The following PCDHGB1 variants were observed in gnomAD, a reference collection of about 807,000 sequenced individuals.
The protein encoded by PCDHGB1 is protocadherin gamma subfamily B, 1, also known as protocadherin gamma-B1.
A neutral mutation model predicts 56.6 loss-of-function variants in PCDHGB1; 34 were observed. The ratio of observed to expected loss-of-function variants is 0.60; its 90% confidence interval spans 0.46 to 0.80. The LOEUF (loss-of-function observed/expected upper bound fraction) is 0.80. Among genes scored for constraint, PCDHGB1 ranks in the 30% least tolerant of loss-of-function variants. The pLI is 0.00. For missense variants in PCDHGB1, 1,278 were observed against 1,204.6 expected (o/e 1.06, Z -0.90); for synonymous variants, 561 against 505.9 (o/e 1.11, Z -1.46).
chr5:141,388,458 C>T, intron 1 of PCDHGB1: 1 of 1,613,696 alleles, frequency 6.2e-7, no homozygotes, highest in Non-Finnish European at 8.5e-7. Context: ...CAGTAAATAC[C>T]CTGAGATGGT....
At chr5:141,456,492 G>C (rs542424798) in intron 1 of PCDHGB1, among the ~76,000 whole-genome samples, 1 of 152,284 alleles carries the variant, frequency 6.6e-6, no homozygotes, top group African/African-American at 2.4e-5. Flanking sequence ...GCTTAATAAA[G>C]GGGTTAACCA....
At chr5:141,434,536 T>C (rs1037347477) in intron 1 of PCDHGB1, among the ~76,000 whole-genome samples, 7 of 152,186 alleles carry the variant, frequency 4.6e-5, no homozygotes, top group Non-Finnish European at 8.8e-5. Context: ...CCACAAACAA[T>C]AGCATGAGTG....
In PCDHGB1 at chr5:141,485,842, T is replaced by C; in HGVS notation, c.2410-8965T>C. ...TCGATGGAGGGAACCCGCCGAGATC[T>C]GGCACCGCAGAGCTCCGGGTATCCG... On this transcript the variant is annotated intron_variant, in intron 1 of 3. Coordinates refer to ENST00000523390, the MANE Select transcript of PCDHGB1 (RefSeq NM_018922.3). This position sits in a 1 kb window ranked among gnomAD's most constrained non-coding sequence, Gnocchi z 5.7. 1 of 1,614,002 alleles carries C rather than the reference T, an allele frequency of 6.2e-7. No homozygotes were observed. Among genetic ancestry groups the C allele is most frequent in the Non-Finnish European group, 8.5e-7 (1 of 1,179,982 alleles).
In PCDHGB1 at chr5:141,374,403, A is replaced by G. The variant is rs201390749; in HGVS notation, c.2409+21734A>G. 6.2e-4 allele frequency: 999 copies of G among 1,613,916 alleles called. 2 individuals are homozygous for G. Among genetic ancestry groups the G allele is most frequent in the Non-Finnish European group, 8.1e-4 (961 of 1,179,908 alleles). ...AGCCCGCGGTGTCTGGTGAGTTTTA[A>G]CATCCTTGTCGAGGATAAACTGAAT... On this transcript the variant is annotated intron_variant, in intron 1 of 3. Coordinates refer to ENST00000523390, the MANE Select transcript of PCDHGB1 (RefSeq NM_018922.3).
intron 2 of PCDHGB1, among the ~76,000 whole-genome samples, chr5:141,503,909 C>T (rs904260329): frequency 1.3e-5 from 2 of 152,156 alleles, no homozygotes; most frequent in Admixed American, 1.3e-4. Flanking sequence ...ACACACACAA[C>T]GCAACACACA....
chr5:141,508,777 AG>A (rs1428861784), intron 3 of PCDHGB1, among the ~76,000 whole-genome samples: 3 of 150,778 alleles, frequency 2.0e-5, no homozygotes, highest in Non-Finnish European at 4.4e-5. Context: ...TCCCCCCTCT[AG>A]CCCCTAAATC....
intron 1 of PCDHGB1, chr5:141,389,539 A>G (rs762558713): frequency 6.2e-7 from 1 of 1,613,218 alleles, no homozygotes; most frequent in Non-Finnish European, 8.5e-7. Context: ...TTAGTGGACG[A>G]CCGCAACGAC....
intron 1 of PCDHGB1, chr5:141,360,106 T>C: frequency 5.8e-6 from 9 of 1,552,260 alleles, no homozygotes; most frequent in Non-Finnish European, 7.8e-6. Flanking sequence ...TTATTCCTCC[T>C]ATGGGCAAAG....
At chr5:141,393,259 G>GAGCACGTT (rs1561641390) in intron 1 of PCDHGB1, 2 of 1,613,874 alleles carry the variant, frequency 1.2e-6, no homozygotes, top group Non-Finnish European at 1.7e-6. Flanking sequence ...GCGGTTCCTG[G>GAGCACGTT]AGCACGTTAT....
chr5:141,490,062 C>A lies in PCDHGB1; in HGVS notation c.2410-4745C>A, dbSNP rs758715682. 6.2e-7 allele frequency: 1 copy of A among 1,614,218 alleles called. No homozygotes were observed. The highest frequency in any genetic ancestry group is 1.1e-5 in the South Asian group (1 of 91,082). ...CCACTGATCCAGACGAGGGCACCAA[C>A]GGCCAACTAGACTATTCTTTTGGAG... On this transcript the variant is annotated intron_variant, in intron 1 of 3. Coordinates refer to ENST00000523390, the MANE Select transcript of PCDHGB1 (RefSeq NM_018922.3). The surrounding 1 kb of genome is among the most constrained non-coding windows in gnomAD (Gnocchi z 5.4).
intron 1 of PCDHGB1, among the ~76,000 whole-genome samples, chr5:141,437,980 C>T (rs1198278358): frequency 1.3e-5 from 2 of 152,050 alleles, no homozygotes; most frequent in Non-Finnish European, 2.9e-5. Flanking sequence ...TTGGGATGCA[C>T]CCACCCCACC....
intron 1 of PCDHGB1, chr5:141,395,561 T>C (rs1589266253): frequency 8.5e-6 from 2 of 235,114 alleles, no homozygotes; most frequent in East Asian, 1.7e-4. Context: ...TGTGTGTGTG[T>C]GTGTGTGTGT....
chr5:141,486,730 T>G lies in PCDHGB1; in HGVS notation c.2410-8077T>G, dbSNP rs775081505. On this transcript the variant is annotated intron_variant, in intron 1 of 3. Coordinates refer to ENST00000523390, the MANE Select transcript of PCDHGB1 (RefSeq NM_018922.3). This position sits in a 1 kb window ranked among gnomAD's most constrained non-coding sequence, Gnocchi z 5.0. ...ACCCCCAGACAGGAGCTGTTCATGC[T>G]ACTCGATCCTTTGACTATGAGCAAA... is the stretch of plus-strand genomic sequence containing the variant. 6.2e-7 allele frequency: 1 copy of G among 1,614,238 alleles called. No individual in the cohort carries two copies. The highest frequency in any genetic ancestry group is 8.5e-7 in the Non-Finnish European group (1 of 1,180,042).
chr5:141,477,988 C>T lies in PCDHGB1; in HGVS notation c.2410-16819C>T, dbSNP rs771241128. The T allele has an allele frequency of 6.2e-7, 1 of 1,614,160 alleles. No individual in the cohort carries two copies. Among genetic ancestry groups the T allele is most frequent in the Non-Finnish European group, 8.5e-7 (1 of 1,180,032 alleles). On this transcript the variant is annotated intron_variant, in intron 1 of 3. Coordinates refer to ENST00000523390, the MANE Select transcript of PCDHGB1 (RefSeq NM_018922.3). This position sits in a 1 kb window ranked among gnomAD's most constrained non-coding sequence, Gnocchi z 4.9. ...AGAGCCTTTTTGCCATAGGGCTGCA[C>T]ACTGGTCAAATCAGTACTGCCCGTC...
rs1281337319 is a variant in PCDHGB1, at chr5:141,393,186, G to A, written c.2409+40517G>A. ...CTTTGGGGTAGAAATAGAAATAATT[G>A]ATATTAACGATAATAACCCAAAATT... On this transcript the variant is annotated intron_variant, in intron 1 of 3. Transcript: ENST00000523390. 1.2e-6 allele frequency: 2 copies of A among 1,613,188 alleles called. No homozygotes were observed. The highest frequency in any genetic ancestry group is 3.3e-5 in the Admixed American group (2 of 59,998).
At chr5:141,385,189 C>A (rs368141492) in intron 1 of PCDHGB1, 696 of 1,614,224 alleles carry the variant, frequency 4.3e-4, no homozygotes, top group Non-Finnish European at 5.4e-4. Flanking sequence ...CGCGGACTCT[C>A]GGAAGAGTCA....
rs774630488 is a variant in PCDHGB1 at position 141,490,640 on chromosome 5, G to A, written c.2410-4167G>A. On this transcript the variant is annotated intron_variant, in intron 1 of 3. Transcript: ENST00000523390. The surrounding 1 kb of genome is among the most constrained non-coding windows in gnomAD (Gnocchi z 5.4). Reference sequence around the variant, plus strand: ...TACACTGCTTACATCCTAGAAAACCGGCCTCCGGGCTCCCTTCTTTGCACT... The same window carrying A: ...TACACTGCTTACATCCTAGAAAACCAGCCTCCGGGCTCCCTTCTTTGCACT... 2.6e-5 allele frequency: 42 copies of A among 1,614,004 alleles called. No individual in the cohort carries two copies. The highest frequency in any genetic ancestry group is 1.6e-4 in the Middle Eastern group (1 of 6,084).
chr5:141,374,776 A>T (rs376190994), intron 1 of PCDHGB1: 2 of 1,613,844 alleles, frequency 1.2e-6, no homozygotes, highest in African/African-American at 1.3e-5. Flanking sequence ...TTCTGGTAAC[A>T]GTTCTAGATG....
intron 1 of PCDHGB1, among the ~76,000 whole-genome samples, chr5:141,466,358 A>G (rs1210013683): frequency 6.6e-6 from 1 of 152,066 alleles, no homozygotes; most frequent in Admixed American, 6.5e-5. Flanking sequence ...GCTAATCTAG[A>G]TGTAATGGTT....
Sources: allele counts gnomAD v4.1 joint callset (sites outside exome capture counted in the v4.1 genomes callset), GRCh38; gene constraint gnomAD v4.1.1; non-coding constraint Gnocchi (gnomAD v3.1); transcripts MANE v1.5; gene names NCBI Gene and HGNC (gene_info 2026-07-23, HGNC 2026-07-21).